TRPM3: variants seen among roughly 807,000 people sequenced by gnomAD.
The protein encoded by TRPM3 is long transient receptor potential channel 3.
Under a neutral mutation model 181.2 loss-of-function variants are expected in TRPM3, and 77 were observed. The observed-to-expected ratio is 0.42, with a 90% confidence interval of 0.35 to 0.51. The LOEUF (loss-of-function observed/expected upper bound fraction) is 0.51. Ranked by LOEUF, TRPM3 falls within the 20% of genes least tolerant of loss-of-function variation. The probability of loss-of-function intolerance (pLI) is 0.01; values close to 1 mark genes in which losing one functional copy is unlikely to be tolerated. For synonymous variants in TRPM3, 745 were observed against 796.4 expected, an observed-to-expected ratio of 0.94 and a Z score of 1.09; for missense variants, 1,759 against 2,196.7, an observed-to-expected ratio of 0.80 and a Z score of 3.98.
intron 1 of TRPM3, among the ~76,000 whole-genome samples, chr9:71,156,044 C>T (rs879903346): frequency 6.6e-6 from 1 of 152,036 alleles, no homozygotes; most frequent in African/African-American, 2.4e-5. Context: ...TTAAACTCCC[C>T]TTATAATCCT....
intron 1 of TRPM3, among the ~76,000 whole-genome samples, chr9:71,322,539 G>T (rs62544222): frequency 0.18 from 27,096 of 151,978 alleles, 2,772 homozygotes; most frequent in Middle Eastern, 0.31. Flanking sequence ...GCATGCTCTG[G>T]GTGAGTGAGG....
chr9:71,148,243 C>CA (rs1587651488), intron 1 of TRPM3, among the ~76,000 whole-genome samples: 1 of 152,006 alleles, frequency 6.6e-6, no homozygotes, highest in African/African-American at 2.4e-5. Context: ...CTAAAGTTAT[C>CA]AAATAATATT....
chr9:71,194,302 G>A (rs1482881082), intron 1 of TRPM3, among the ~76,000 whole-genome samples: 1 of 151,898 alleles, frequency 6.6e-6, no homozygotes, highest in Non-Finnish European at 1.5e-5. Context: ...CAGGAGGATT[G>A]ATTGTGACCA....
At chr9:70,773,355 G>A (rs2080715747) in intron 7 of TRPM3, among the ~76,000 whole-genome samples, 1 of 152,102 alleles carries the variant, frequency 6.6e-6, no homozygotes, top group African/African-American at 2.4e-5. Context: ...ATAAAATAGG[G>A]ATAATAATTA....
At chr9:70,622,699 G>C (rs1282372492) in intron 14 of TRPM3, among the ~76,000 whole-genome samples, 1 of 152,228 alleles carries the variant, frequency 6.6e-6, no homozygotes, top group Non-Finnish European at 1.5e-5. Context: ...CTGGGGCCAG[G>C]AATAACAATT....
At chr9:70,693,884 T>C (rs998782417) in intron 8 of TRPM3, among the ~76,000 whole-genome samples, 1 of 152,258 alleles carries the variant, frequency 6.6e-6, no homozygotes. Flanking sequence ...AGTTCGGATT[T>C]TCTGATTACT....
At chr9:70,990,793 G>A (rs2097475310) in intron 1 of TRPM3, among the ~76,000 whole-genome samples, 1 of 152,108 alleles carries the variant, frequency 6.6e-6, no homozygotes, top group South Asian at 2.1e-4. Context: ...GAACTACTAA[G>A]TTTTCTTCTT....
rs13299394 is a variant in TRPM3 at position 70,786,573 on chromosome 9, T to C, written c.974-2294A>G. ...TCTTTGGGAGGAGAATTTGCTCTCATAAAAATATCCACCCCATAGGGATTT... is the reference window on the plus strand; with the variant it reads ...TCTTTGGGAGGAGAATTTGCTCTCACAAAAATATCCACCCCATAGGGATTT... On this transcript the variant is annotated intron_variant, in intron 6 of 25. Coordinates refer to ENST00000677713, the MANE Select transcript of TRPM3 (RefSeq NM_001366145.2). Among the ~76,000 whole-genome samples the C allele has an allele frequency of 4.7e-3, 713 of 152,330 alleles. 4 individuals carry two copies. The highest frequency in any genetic ancestry group is 7.2e-3 in the Non-Finnish European group (493 of 68,028).
chr9:70,923,467 G>T (rs1026598356), intron 1 of TRPM3, among the ~76,000 whole-genome samples: 5 of 151,816 alleles, frequency 3.3e-5, no homozygotes, highest in African/African-American at 1.2e-4. Flanking sequence ...AATAACAAAT[G>T]AATTTATGTT....
chr9:71,234,925 A>C (rs2081273669), intron 1 of TRPM3, among the ~76,000 whole-genome samples: 1 of 152,216 alleles, frequency 6.6e-6, no homozygotes, highest in Non-Finnish European at 1.5e-5. Context: ...AATAGTGTGC[A>C]AATAACCATT....
intron 1 of TRPM3, among the ~76,000 whole-genome samples, chr9:70,927,338 A>T (rs2096730713): frequency 6.6e-6 from 1 of 152,222 alleles, no homozygotes; most frequent in Non-Finnish European, 1.5e-5. Flanking sequence ...GATAAGACAC[A>T]GTTGAATGTT....
intron 1 of TRPM3, among the ~76,000 whole-genome samples, chr9:71,083,177 G>A (rs112509519): frequency 1.5e-3 from 225 of 152,074 alleles, no homozygotes; most frequent in Non-Finnish European, 2.6e-3. Flanking sequence ...GAGTGACTGT[G>A]TGAGATGAAA....
intron 1 of TRPM3, among the ~76,000 whole-genome samples, chr9:70,993,722 C>T (rs1306422841): frequency 6.8e-6 from 1 of 147,560 alleles, no homozygotes; most frequent in Non-Finnish European, 1.5e-5. Context: ...AAGCGCTCCA[C>T]TGCAGTGAGC....
intron 1 of TRPM3, among the ~76,000 whole-genome samples, chr9:71,372,390 C>G (rs980259231): frequency 6.6e-6 from 1 of 152,012 alleles, no homozygotes; most frequent in Admixed American, 6.5e-5. Flanking sequence ...TACCTCCATG[C>G]CTTTCAGGAA....
intron 8 of TRPM3, among the ~76,000 whole-genome samples, chr9:70,751,999 A>AGTGTGTGTGT (rs71507124): frequency 4.0e-4 from 42 of 104,552 alleles, no homozygotes; most frequent in South Asian, 7.9e-4. Flanking sequence ...ACATCTCAAC[A>AGTGTGTGTGT]GTGTGTGTGT....
chr9:70,564,178 C>T (rs1031203277), intron 22 of TRPM3, among the ~76,000 whole-genome samples: 1 of 152,154 alleles, frequency 6.6e-6, no homozygotes, highest in Non-Finnish European at 1.5e-5. Flanking sequence ...ATCATTACAC[C>T]TTCCTTTTGA....
At chr9:70,788,925 A>G (rs140290620) in intron 6 of TRPM3, among the ~76,000 whole-genome samples, 56 of 152,278 alleles carry the variant, frequency 3.7e-4, no homozygotes, top group African/African-American at 1.3e-3. Context: ...GTAAATACAG[A>G]TGAAGCTTCG....
chr9:70,901,558 T>A (rs1372525415), intron 1 of TRPM3, among the ~76,000 whole-genome samples: 1 of 152,128 alleles, frequency 6.6e-6, no homozygotes, highest in Non-Finnish European at 1.5e-5. Flanking sequence ...TGGAAAAATA[T>A]ACTCAGGAGA....
At chr9:71,279,380 G>A (rs1199904774) in intron 1 of TRPM3, among the ~76,000 whole-genome samples, 1 of 152,208 alleles carries the variant, frequency 6.6e-6, no homozygotes, top group Non-Finnish European at 1.5e-5. Flanking sequence ...CAGGGCAATA[G>A]AGGGTGTAGT....
Sources: allele counts gnomAD v4.1 joint callset (sites outside exome capture counted in the v4.1 genomes callset), GRCh38; gene constraint gnomAD v4.1.1; transcripts MANE v1.5; gene names NCBI Gene and HGNC (gene_info 2026-07-23, HGNC 2026-07-21).